The following HOOK1 variants were observed in gnomAD, a reference collection of about 807,000 sequenced individuals.
HOOK1 encodes the protein hook microtubule tethering protein 1.
In HOOK1, 60 loss-of-function variants were observed where a neutral mutation model predicts 112.8. That is an observed-to-expected ratio of 0.53 (90% CI 0.43 to 0.66). HOOK1 has a LOEUF of 0.66. Ranked by LOEUF, HOOK1 falls within the 30% of genes least tolerant of loss-of-function variation. HOOK1 has a pLI of 0.00. For synonymous variants in HOOK1, 294 were observed against 283.8 expected (o/e 1.04, Z -0.36); for missense variants, 770 against 856.0 (o/e 0.90, Z 1.25).
Position 59,872,927 on chromosome 1 carries a change from A to G in HOOK1, c.2149A>G (p.Asn717Asp). ...QQRHITNTRRNLSVKVPATTS... is the reference protein window; with the variant it reads ...QQRHITNTRRDLSVKVPATTS... ...ACGGCACATCACCAACACCAGAAGA[A>G]ATCTCTCTGTTAAAGTCCCTGCTAC... is the stretch of plus-strand genomic sequence containing the variant. The change falls in exon 22 of 22, where the codon AAT becomes GAT. Residue 717 changes from asparagine (N) to aspartate (D), a missense_variant. Physicochemically the swap from Asn to Asp is conservative, Grantham distance 23 (BLOSUM62 1). Around this residue, in one of 3 missense-constraint regions of HOOK1, gnomAD observed 111 missense variants for 111.8 expected, o/e 0.99. Coordinates refer to ENST00000371208, the MANE Select transcript of HOOK1 (RefSeq NM_015888.6). The G allele has an allele frequency of 6.6e-7, 1 of 1,521,264 alleles. No individual in the cohort carries two copies. Among genetic ancestry groups the G allele is most frequent in the Non-Finnish European group, 8.9e-7 (1 of 1,126,254 alleles). 94.2% of individuals were successfully genotyped at this position (1,521,264 alleles called of 1,614,324 possible).
At chr1:59,819,942 G>T (rs1402953919) in intron 1 of HOOK1, among the ~76,000 whole-genome samples, 1 of 152,060 alleles carries the variant, frequency 6.6e-6, no homozygotes, top group Non-Finnish European at 1.5e-5. Flanking sequence ...ATATTATGCT[G>T]ATTCCCTCTA....
chr1:59,858,498 A>C lies in HOOK1; in HGVS notation c.1313A>C (p.Asp438Ala). Residue 438 changes from aspartate to alanine, a missense_variant, in exon 13 of 22, where the codon GAC becomes GCC. This residue lies in a region of HOOK1 where 655 missense variants were observed against 725.9 expected (regional missense o/e 0.90). Coordinates refer to ENST00000371208, the MANE Select transcript of HOOK1 (RefSeq NM_015888.6). ...CTTCGATGTTCACAAGTACAACAGG[A>C]CCACCTAAACCAAACAGGTTAATTT... Reference protein sequence around the residue: ...EELRCSQVQQDHLNQTDASAT... With the variant: ...EELRCSQVQQAHLNQTDASAT... 6.2e-7 allele frequency: 1 copy of C among 1,610,574 alleles called. No individual in the cohort carries two copies. The highest frequency in any genetic ancestry group is 1.7e-5 in the Admixed American group (1 of 60,006).
intron 15 of HOOK1, among the ~76,000 whole-genome samples, chr1:59,860,785 T>C (rs2098413164): frequency 6.6e-6 from 1 of 151,356 alleles, no homozygotes; most frequent in South Asian, 2.1e-4. Context: ...TTCTTTTTTT[T>C]TTTTTTGAGA....
Position 59,874,149 on chromosome 1 carries a change from C to T in HOOK1, c.*1184C>T, listed in dbSNP as rs1195865765. On this transcript the variant is annotated 3_prime_UTR_variant, in exon 22 of 22. Coordinates refer to ENST00000371208, the MANE Select transcript of HOOK1 (RefSeq NM_015888.6). ...ATTTAAATTTAATTAATTATAAACT[C>T]AGTCTCTTGGTTGCACCAGCCACAT... The T allele has an allele frequency of 1.3e-5, 2 of 152,064 alleles. No homozygotes were observed. The highest frequency in any genetic ancestry group is 1.9e-4 in the East Asian group (1 of 5,194). 9.4% of individuals were successfully genotyped at this position (152,064 alleles called of 1,614,324 possible).
intron 21 of HOOK1, among the ~76,000 whole-genome samples, chr1:59,872,379 C>T (rs1644067890): frequency 1.3e-5 from 2 of 152,180 alleles, no homozygotes; most frequent in South Asian, 4.1e-4. Context: ...GGTAAGGCCC[C>T]TAAATTTGTA....
intron 12 of HOOK1, among the ~76,000 whole-genome samples, chr1:59,852,222 A>G (rs1221011883): frequency 6.6e-6 from 1 of 151,716 alleles, no homozygotes; most frequent in Non-Finnish European, 1.5e-5. Flanking sequence ...GTTCATGAAA[A>G]TTGGTATTAA....
chr1:59,867,230 T>TCA (rs1643981354), intron 19 of HOOK1, among the ~76,000 whole-genome samples: 1 of 152,304 alleles, frequency 6.6e-6, no homozygotes, highest in Admixed American at 6.5e-5. Flanking sequence ...CAACCATTTA[T>TCA]CACTTAGAGA....
intron 2 of HOOK1, among the ~76,000 whole-genome samples, chr1:59,826,805 C>G (rs2098390292): frequency 6.6e-6 from 1 of 152,192 alleles, no homozygotes; most frequent in African/African-American, 2.4e-5. Flanking sequence ...TCTTGTTGCC[C>G]AGGCTGGAGT....
At chr1:59,828,716 C>A in intron 2 of HOOK1, 64 bp from the exon 3 acceptor site, 1 of 1,395,482 alleles carries the variant, frequency 7.2e-7, no homozygotes. Context: ...TCTGTTGGCT[C>A]TATTTAATTT....
chr1:59,855,079 A>G (rs2098409772), intron 12 of HOOK1, among the ~76,000 whole-genome samples: 1 of 152,242 alleles, frequency 6.6e-6, no homozygotes, highest in Non-Finnish European at 1.5e-5. Flanking sequence ...GAGCTATTCT[A>G]AGTATGTTCA....
chr1:59,825,529 C>G (rs1341602494), intron 2 of HOOK1, among the ~76,000 whole-genome samples: 6 of 152,172 alleles, frequency 3.9e-5, no homozygotes, highest in Non-Finnish European at 8.8e-5. Flanking sequence ...ATAAAAGCAT[C>G]ATTATAGAAC....
At chr1:59,824,471 G>T (rs141328980) in intron 2 of HOOK1, among the ~76,000 whole-genome samples, 1 of 152,298 alleles carries the variant, frequency 6.6e-6, no homozygotes, top group East Asian at 1.9e-4. Flanking sequence ...CTCCCAAAGT[G>T]CTGGGATTAC....
intron 9 of HOOK1, among the ~76,000 whole-genome samples, chr1:59,846,609 C>CCTCT (rs1198805636): frequency 3.0e-5 from 4 of 132,612 alleles, no homozygotes; most frequent in Admixed American, 7.7e-5. Flanking sequence ...TCCCTCCCTC[C>CCTCT]CTCTCTCTCT....
At chr1:59,866,005 T>C (rs776884149) in intron 19 of HOOK1, 33 bp downstream of exon 19, 2 of 1,199,852 alleles carry the variant, frequency 1.7e-6, no homozygotes, top group Non-Finnish European at 2.4e-6. Context: ...CTCAAGACTT[T>C]GTGGCCTGTG....
chr1:59,824,473 T>G (rs997089844), intron 2 of HOOK1, among the ~76,000 whole-genome samples: 9 of 152,222 alleles, frequency 5.9e-5, no homozygotes, highest in African/African-American at 2.2e-4. Flanking sequence ...CCCAAAGTGC[T>G]GGGATTACAG....
At chr1:59,854,323 T>G (rs2098409408) in intron 12 of HOOK1, among the ~76,000 whole-genome samples, 1 of 151,754 alleles carries the variant, frequency 6.6e-6, no homozygotes, top group Non-Finnish European at 1.5e-5. Flanking sequence ...GTGCTGGGAT[T>G]ACAGGCATAA....
At chr1:59,839,368 T>C (rs2098399732) in intron 7 of HOOK1, among the ~76,000 whole-genome samples, 1 of 152,228 alleles carries the variant, frequency 6.6e-6, no homozygotes, top group Admixed American at 6.5e-5. Flanking sequence ...TCCTCTTTTA[T>C]TTCATTGAGC....
chr1:59,815,051 T>G lies in HOOK1; in HGVS notation c.-67T>G. On this transcript the variant is annotated 5_prime_UTR_variant, in exon 1 of 22. Transcript: ENST00000371208. ...GGGCTAGCAGGTCGTGGACGCCGGC[T>G]CCTGGAGGAGAGCCGGTAGGAGGGA... 6.9e-7 allele frequency: 1 copy of G among 1,455,762 alleles called. No individual in the cohort carries two copies. Among genetic ancestry groups the G allele is most frequent in the Non-Finnish European group, 9.2e-7 (1 of 1,088,950 alleles). The allele number at this position is 1,455,762 out of a possible 1,614,324, so 90.2% of individuals were successfully genotyped here.
In HOOK1 at chr1:59,874,874, G is replaced by A. The variant is rs892525138; in HGVS notation, c.*1909G>A. The A allele has an allele frequency of 3.3e-5, 5 of 152,382 alleles. No individual in the cohort carries two copies. Among genetic ancestry groups the A allele is most frequent in the African/African-American group, 7.2e-5 (3 of 41,396 alleles). The allele number at this position is 152,382 out of a possible 1,614,324, so 9.4% of individuals were successfully genotyped here. ...AATTTCGTACTGCATTTGCATCTCC[G>A]AGATTAGGGAGCACCTGTCAGGATA... On this transcript the variant is annotated 3_prime_UTR_variant, in exon 22 of 22. Transcript: ENST00000371208.
Sources: allele counts gnomAD v4.1 joint callset (sites outside exome capture counted in the v4.1 genomes callset), GRCh38; gene constraint gnomAD v4.1.1; regional missense constraint gnomAD v4.1.1; transcripts MANE v1.5; gene names NCBI Gene and HGNC (gene_info 2026-07-23, HGNC 2026-07-21).